INPP5F: variants seen among roughly 807,000 people sequenced by gnomAD.
INPP5F encodes phosphatidylinositide 4-phosphatase SAC2.
A neutral mutation model predicts 137.2 loss-of-function variants in INPP5F; 97 were observed. That is an observed-to-expected ratio of 0.71 (90% confidence interval 0.60 to 0.84). The LOEUF (loss-of-function observed/expected upper bound fraction) is 0.84. Ranked by LOEUF, INPP5F falls within the 40% of genes least tolerant of loss-of-function variation. The probability of loss-of-function intolerance (pLI) is 0.00; values close to 1 mark genes in which losing one functional copy is unlikely to be tolerated. For missense variants in INPP5F, 1,271 were observed against 1,371.9 expected, an observed-to-expected ratio of 0.93 and a Z score of 1.16; for synonymous variants, 504 against 476.9, an observed-to-expected ratio of 1.06 and a Z score of -0.74.
In INPP5F at chr10:119,797,451, T is replaced by G. The variant is rs747710827; in HGVS notation, c.869-10T>G. ...AAATGTTGCTGTTTTCTGTTTTAAT[T>G]TTCTTTCAGGAATGCGCTATAAACG... On this transcript the variant is annotated splice_polypyrimidine_tract_variant and intron_variant, in intron 7 of 19. Coordinates refer to ENST00000650623, the MANE Select transcript of INPP5F (RefSeq NM_014937.4). 4 of 1,588,658 alleles carry G rather than the reference T, an allele frequency of 2.5e-6. No homozygotes were observed. The highest frequency in any genetic ancestry group is 2.3e-5 in the South Asian group (2 of 87,282).
At chr10:119,765,209 C>T (rs918972043) in intron 2 of INPP5F, among the ~76,000 whole-genome samples, 3 of 152,192 alleles carry the variant, frequency 2.0e-5, no homozygotes, top group African/African-American at 7.2e-5. Context: ...GCTGGGATTA[C>T]AGGTGTGAGC....
At chr10:119,785,575 A>AGAGAGAGAGAGAGACT (rs1435677238) in intron 3 of INPP5F, among the ~76,000 whole-genome samples, 31 of 150,544 alleles carry the variant, frequency 2.1e-4, no homozygotes, top group Admixed American at 6.7e-4. Context: ...AGAGAGAGAG[A>AGAGAGAGAGAGAGACT]GAGACTGAGA....
chr10:119,791,748 T>C, intron 4 of INPP5F, 103 bp downstream of exon 4: 1 of 1,335,070 alleles, frequency 7.5e-7, no homozygotes, highest in Non-Finnish European at 1.0e-6. Flanking sequence ...ATTTGTTGTA[T>C]TGAAGCACCA....
intron 11 of INPP5F, 55 bp downstream of exon 11, chr10:119,805,516 C>A: frequency 8.5e-7 from 1 of 1,181,658 alleles, no homozygotes; most frequent in South Asian, 1.2e-5. Context: ...TAAAATAGTA[C>A]CACTGAGCAT....
intron 2 of INPP5F, among the ~76,000 whole-genome samples, chr10:119,770,737 G>T (rs1175992169): frequency 6.6e-6 from 1 of 152,036 alleles, no homozygotes; most frequent in Non-Finnish European, 1.5e-5. Flanking sequence ...TGATAATTTT[G>T]ATTATTTCCT....
At chr10:119,757,907 GC>G (rs1399586531) in intron 2 of INPP5F, among the ~76,000 whole-genome samples, 9 of 152,094 alleles carry the variant, frequency 5.9e-5, no homozygotes, top group Non-Finnish European at 1.3e-4. Context: ...AGCAACTGGG[GC>G]CATGTCTATT....
In INPP5F at chr10:119,828,616, T is replaced by A. The variant is rs1462815417; in HGVS notation, c.*836T>A. On this transcript the variant is annotated 3_prime_UTR_variant, in exon 20 of 20. Transcript: ENST00000650623. ...ACTTCAAAATTTAGTCTGGGCCTAG[T>A]GCAGTGGCTCACACCTATAATCCCA... 1 of 152,190 alleles carries A rather than the reference T, an allele frequency of 6.6e-6. No homozygotes were observed. The highest frequency in any genetic ancestry group is 1.5e-5 in the Non-Finnish European group (1 of 68,048). The allele number at this position is 152,190 out of a possible 1,614,324, so 9.4% of individuals were successfully genotyped here. A position where few individuals can be genotyped will look rare whatever the true frequency, so the allele number is the denominator to read the frequency against.
At chr10:119,740,873 C>G (rs1451184759) in intron 1 of INPP5F, among the ~76,000 whole-genome samples, 1 of 152,094 alleles carries the variant, frequency 6.6e-6, no homozygotes, top group Non-Finnish European at 1.5e-5. Flanking sequence ...ATATGAAGAC[C>G]CTTAAATTAT....
chr10:119,814,790 T>C (rs995053620), intron 15 of INPP5F, among the ~76,000 whole-genome samples: 7 of 152,350 alleles, frequency 4.6e-5, no homozygotes, highest in African/African-American at 1.7e-4. Flanking sequence ...GGCTTGCAGC[T>C]GCCCCACTGT....
chr10:119,726,517 T>A (rs944056945), intron 1 of INPP5F, among the ~76,000 whole-genome samples, 158 bp downstream of exon 1: 1 of 152,144 alleles, frequency 6.6e-6, no homozygotes, highest in African/African-American at 2.4e-5. Flanking sequence ...ATTCCCTGAC[T>A]GGAAGGAGCC....
At chr10:119,741,214 C>G (rs555593372) in intron 1 of INPP5F, among the ~76,000 whole-genome samples, 1 of 152,224 alleles carries the variant, frequency 6.6e-6, no homozygotes, top group Non-Finnish European at 1.5e-5. Context: ...CACCCTTGCA[C>G]ATTCTTTCCT....
chr10:119,747,048 C>T (rs1012145191), intron 1 of INPP5F, among the ~76,000 whole-genome samples: 6 of 151,908 alleles, frequency 3.9e-5, no homozygotes, highest in African/African-American at 7.3e-5. Flanking sequence ...CTCGGCCTTC[C>T]GAAGTGCTGG....
At chr10:119,759,045 A>G (rs112782291) in intron 2 of INPP5F, among the ~76,000 whole-genome samples, 1,800 of 152,304 alleles carry the variant, frequency 0.012, 40 homozygotes, top group African/African-American at 0.042. Context: ...TTGGAGAGAA[A>G]CAAGAGGGTC....
intron 2 of INPP5F, among the ~76,000 whole-genome samples, chr10:119,767,124 A>AAAAAAAC (rs1554887164): frequency 4.0e-5 from 6 of 149,480 alleles, no homozygotes; most frequent in African/African-American, 1.5e-4. Context: ...AAAAAAAAAA[A>AAAAAAAC]AAAAAAAAAC....
chr10:119,775,462 C>T (rs1335229948), intron 2 of INPP5F, among the ~76,000 whole-genome samples: 2 of 151,822 alleles, frequency 1.3e-5, no homozygotes, highest in East Asian at 3.9e-4. Context: ...ACAGGGTTTC[C>T]CCATATTGCC....
intron 9 of INPP5F, among the ~76,000 whole-genome samples, chr10:119,801,167 A>G (rs1357033996): frequency 2.0e-5 from 3 of 152,222 alleles, no homozygotes; most frequent in African/African-American, 7.2e-5. Context: ...AAAGTATTGA[A>G]TATAAATGAT....
chr10:119,795,868 G>A (rs1010876407), intron 6 of INPP5F, among the ~76,000 whole-genome samples: 61 of 152,318 alleles, frequency 4.0e-4, no homozygotes, highest in African/African-American at 1.5e-3. Flanking sequence ...TCGCGGTTAG[G>A]AGCTGGAGAC....
At chr10:119,736,143 A>G (rs1234669062) in intron 1 of INPP5F, among the ~76,000 whole-genome samples, 2 of 152,224 alleles carry the variant, frequency 1.3e-5, no homozygotes, top group Non-Finnish European at 2.9e-5. Flanking sequence ...GGGACAGCAA[A>G]AGGTGAGGGA....
chr10:119,823,755 C>G, intron 18 of INPP5F, 60 bp from the exon 19 acceptor site: 2 of 1,300,682 alleles, frequency 1.5e-6, no homozygotes, highest in Non-Finnish European at 2.2e-6. Context: ...TGGGTTAGAA[C>G]TGCTATTTTT....
Sources: gnomAD v4.1 joint callset for allele counts (sites outside exome capture counted in the v4.1 genomes callset) on GRCh38, gnomAD v4.1.1 for gene constraint, MANE v1.5 for transcripts, NCBI Gene and HGNC (gene_info 2026-07-23, HGNC 2026-07-21) for gene names.